ARMC9: variants seen among roughly 807,000 people sequenced by gnomAD.
ARMC9 encodes the protein lisH domain-containing protein ARMC9.
ARMC9 carries 94 observed loss-of-function variants against 107.0 expected under a neutral mutation model. That is an observed-to-expected ratio of 0.88 (90% CI 0.74 to 1.04). The LOEUF (loss-of-function observed/expected upper bound fraction) is 1.04, where lower values mean the gene tolerates loss of function less well. Among genes scored for constraint, ARMC9 ranks in the 50% least tolerant of loss-of-function variants. The pLI is 0.00. For missense variants in ARMC9, 942 were observed against 1,030.1 expected, an observed-to-expected ratio of 0.91 and a Z score of 1.17; for synonymous variants, 380 against 396.9, an observed-to-expected ratio of 0.96 and a Z score of 0.51.
chr2:231,260,919 T>C (rs13428369), intron 11 of ARMC9, among the ~76,000 whole-genome samples: 67,379 of 151,978 alleles, frequency 0.44, 18,783 homozygotes, highest in African/African-American at 0.8. Flanking sequence ...CACCCGGCTT[T>C]TTGCCCCTGC....
At chr2:231,216,437 G>A (rs2033507030) in intron 4 of ARMC9, among the ~76,000 whole-genome samples, 1 of 152,186 alleles carries the variant, frequency 6.6e-6, no homozygotes, top group South Asian at 2.1e-4. Flanking sequence ...ATATATAGTT[G>A]TCTGATCTTC....
chr2:231,352,485 T>A lies in ARMC9; in HGVS notation c.1995-3313T>A, dbSNP rs114507221. ...CAGCTAATTTTATTTTATTTTATTT[T>A]TTTATTTATTTATTTTTTAGTAGAG... is the stretch of plus-strand genomic sequence containing the variant. On this transcript the variant is annotated intron_variant, in intron 21 of 24. Coordinates refer to ENST00000611582, the MANE Select transcript of ARMC9 (RefSeq NM_001352754.2). Among the ~76,000 whole-genome samples the A allele has an allele frequency of 8.4e-3, 1,278 of 151,592 alleles. 15 individuals carry two copies. Among genetic ancestry groups the A allele is most frequent in the African/African-American group, 0.029 (1,179 of 41,220 alleles).
Position 231,372,470 on chromosome 2 carries a change from A to C in ARMC9, c.*935A>C, listed in dbSNP as rs1384061493. On this transcript the variant is annotated 3_prime_UTR_variant, in exon 25 of 25. Coordinates refer to ENST00000611582, the MANE Select transcript of ARMC9 (RefSeq NM_001352754.2). ...CCTTAAAAAGGCCACCAGTGTGACC[A>C]GGGAGCACCCTCTGCCTCCCTCCCT... 6.6e-6 allele frequency: 1 copy of C among 152,244 alleles called. No homozygotes were observed. The highest frequency in any genetic ancestry group is 1.5e-5 in the Non-Finnish European group (1 of 68,080). 9.4% of individuals were successfully genotyped at this position (152,244 alleles called of 1,614,324 possible). A position where few individuals can be genotyped will look rare whatever the true frequency, so the allele number is the denominator to read the frequency against.
At chr2:231,217,532 C>G (rs190637697) in intron 5 of ARMC9, among the ~76,000 whole-genome samples, 5 of 150,040 alleles carry the variant, frequency 3.3e-5, no homozygotes, top group African/African-American at 4.9e-5. Context: ...AGTGCCACTG[C>G]ACTCCATCCT....
At chr2:231,270,841 A>G (rs1404148527) in intron 12 of ARMC9, 141 bp from the exon 13 acceptor site, 4 of 760,310 alleles carry the variant, frequency 5.3e-6, no homozygotes, top group Admixed American at 4.2e-5. Flanking sequence ...AGGATTCCAG[A>G]TGAAATGTTT....
chr2:231,247,607 AC>A (rs2036895806), intron 9 of ARMC9, among the ~76,000 whole-genome samples: 1 of 152,158 alleles, frequency 6.6e-6, no homozygotes, highest in Non-Finnish European at 1.5e-5. Flanking sequence ...CCTGTTGCAT[AC>A]CCAGACCAAC....
intron 7 of ARMC9, among the ~76,000 whole-genome samples, chr2:231,227,372 C>T (rs1026503166): frequency 2.0e-5 from 3 of 152,164 alleles, no homozygotes; most frequent in African/African-American, 4.8e-5. Context: ...CCAGTTGGGG[C>T]GCTGTACCTC....
intron 1 of ARMC9, among the ~76,000 whole-genome samples, chr2:231,204,502 G>A (rs763493552): frequency 2.6e-5 from 4 of 151,988 alleles, no homozygotes; most frequent in East Asian, 1.9e-4. Flanking sequence ...CCCCATACCC[G>A]TCTCCTTCAG....
At chr2:231,239,192 A>G (rs1421828586) in intron 8 of ARMC9, among the ~76,000 whole-genome samples, 5 of 152,218 alleles carry the variant, frequency 3.3e-5, no homozygotes, top group African/African-American at 1.2e-4. Context: ...GTACTTGTAC[A>G]TTGAAATGAG....
chr2:231,207,357 G>A lies in ARMC9; in HGVS notation c.52-770G>A, dbSNP rs1007442185. Reference sequence around the variant, plus strand: ...ATTTATTTATTTGAGATGGGGTCTCGCTTTGTTGCCCAGGCTGGTCTCAAA... The same window carrying A: ...ATTTATTTATTTGAGATGGGGTCTCACTTTGTTGCCCAGGCTGGTCTCAAA... On this transcript the variant is annotated intron_variant, in intron 2 of 24. Transcript: ENST00000611582. 5.3e-5 allele frequency among the ~76,000 whole-genome samples: 8 copies of A among 151,864 alleles called. No individual in the cohort carries two copies. In the East Asian group the frequency reaches 1.2e-3, roughly 22 times the overall value.
chr2:231,337,800 T>A (rs980759331), intron 20 of ARMC9, among the ~76,000 whole-genome samples: 8 of 152,192 alleles, frequency 5.3e-5, no homozygotes, highest in Non-Finnish European at 1.0e-4. Context: ...ATATCTTGAA[T>A]CCTTTTCGTT....
intron 20 of ARMC9, among the ~76,000 whole-genome samples, chr2:231,335,237 A>G (rs2044007793): frequency 6.6e-6 from 1 of 152,166 alleles, no homozygotes; most frequent in Non-Finnish European, 1.5e-5. Flanking sequence ...GCAGGGTGAG[A>G]GCTAGTCCCA....
At chr2:231,334,691 A>G (rs114323127) in intron 20 of ARMC9, among the ~76,000 whole-genome samples, 3,919 of 151,876 alleles carry the variant, frequency 0.026, 85 homozygotes, top group Non-Finnish European at 0.041. Flanking sequence ...GGCCGGATGC[A>G]CTCCCAGCAC....
chr2:231,307,298 C>T (rs911669161), intron 19 of ARMC9, among the ~76,000 whole-genome samples: 5 of 152,160 alleles, frequency 3.3e-5, no homozygotes, highest in Non-Finnish European at 5.9e-5. Flanking sequence ...TCAGTGGGCT[C>T]TCGAGCAAAG....
chr2:231,211,160 C>CA (rs1559291784), intron 3 of ARMC9, among the ~76,000 whole-genome samples: 22 of 137,180 alleles, frequency 1.6e-4, no homozygotes, highest in South Asian at 1.4e-3. Context: ...ACACACACAC[C>CA]CCCACAGTTT....
intron 17 of ARMC9, among the ~76,000 whole-genome samples, chr2:231,288,476 A>G (rs916479860): frequency 6.6e-6 from 1 of 152,220 alleles, no homozygotes; most frequent in African/African-American, 2.4e-5. Flanking sequence ...CTCAGGGGAA[A>G]ATTTCCCTTG....
At position 231,270,066 on chromosome 2, in the gene ARMC9, C is replaced by T. The variant is rs540944372; in HGVS notation, c.1120-916C>T. On this transcript the variant is annotated intron_variant, in intron 12 of 24. Coordinates refer to ENST00000611582, the MANE Select transcript of ARMC9 (RefSeq NM_001352754.2). ...CGTTTGCTGGGAACCTCTGATTTCACGGTCTCTAATTCTTTCCCCGTGGGC... is the reference window on the plus strand; with the variant it reads ...CGTTTGCTGGGAACCTCTGATTTCATGGTCTCTAATTCTTTCCCCGTGGGC... 5.9e-5 allele frequency among the ~76,000 whole-genome samples: 9 copies of T among 152,218 alleles called. No individual in the cohort carries two copies. In the South Asian group the frequency reaches 6.2e-4, roughly 11 times the overall value.
At chr2:231,265,338 A>T (rs2038756998) in intron 12 of ARMC9, among the ~76,000 whole-genome samples, 1 of 152,156 alleles carries the variant, frequency 6.6e-6, no homozygotes, top group South Asian at 2.1e-4. Flanking sequence ...AAGATTTGGA[A>T]CCAACCTAAG....
At chr2:231,242,811 G>A (rs1435808650) in intron 9 of ARMC9, among the ~76,000 whole-genome samples, 2 of 152,178 alleles carry the variant, frequency 1.3e-5, no homozygotes, top group Non-Finnish European at 2.9e-5. Flanking sequence ...GATGTATCCA[G>A]TTTATTTAAA....
Sources: allele counts gnomAD v4.1 joint callset (sites outside exome capture counted in the v4.1 genomes callset), GRCh38; gene constraint gnomAD v4.1.1; transcripts MANE v1.5; gene names NCBI Gene and HGNC (gene_info 2026-07-23, HGNC 2026-07-21).